Variants in MECOM observed in about 807,000 individuals in gnomAD.
MECOM encodes histone-lysine N-methyltransferase MECOM.
MECOM carries 13 observed loss-of-function variants against 116.3 expected under a neutral mutation model. The ratio of observed to expected loss-of-function variants is 0.11; its 90% CI spans 0.07 to 0.18. The LOEUF is 0.18. Among genes scored for constraint, MECOM ranks in the 10% least tolerant of loss-of-function variants. The pLI, the probability that MECOM is intolerant of heterozygous loss-of-function variation, is 1.00. For synonymous variants in MECOM, 528 were observed against 535.2 expected, an observed-to-expected ratio of 0.99 and a Z score of 0.19; for missense variants, 1,299 against 1,509.0, an observed-to-expected ratio of 0.86 and a Z score of 2.31.
At chr3:169,468,009 TCTC>T (rs1353067738) in intron 1 of MECOM, among the ~76,000 whole-genome samples, 2 of 152,088 alleles carry the variant, frequency 1.3e-5, no homozygotes, top group African/African-American at 4.8e-5. Flanking sequence ...CCAACTCCCT[TCTC>T]CTCTTTTTAT....
intron 2 of MECOM, among the ~76,000 whole-genome samples, chr3:169,328,094 T>C (rs985278619): frequency 1.2e-4 from 19 of 152,324 alleles, no homozygotes; most frequent in Non-Finnish European, 4.4e-5. Flanking sequence ...TTTCAGTGTC[T>C]ATGAGGAAGT....
intron 1 of MECOM, among the ~76,000 whole-genome samples, chr3:169,489,886 C>A (rs1037199533): frequency 7.9e-5 from 12 of 152,042 alleles, no homozygotes; most frequent in African/African-American, 2.9e-4. Flanking sequence ...ACGGGATATT[C>A]ATAGATTTGA....
intron 2 of MECOM, chr3:169,147,684 C>T: frequency 1.0e-6 from 1 of 985,230 alleles, no homozygotes; most frequent in Non-Finnish European, 1.2e-6. Flanking sequence ...GGGAAATAGC[C>T]TCCGTTTCGA....
chr3:169,559,820 A>G (rs1254099144), intron 1 of MECOM, among the ~76,000 whole-genome samples: 1 of 152,188 alleles, frequency 6.6e-6, no homozygotes, highest in East Asian at 1.9e-4. Flanking sequence ...TCTGGAAACC[A>G]CACCACCACT....
chr3:169,403,314 AACAG>A (rs747201101), intron 1 of MECOM, among the ~76,000 whole-genome samples: 1 of 152,244 alleles, frequency 6.6e-6, no homozygotes, highest in African/African-American at 2.4e-5. Context: ...GAAAAGGGAA[AACAG>A]ACAGAGGGTA....
Position 169,083,949 on chromosome 3 carries a change from A to C in MECOM, c.*960T>G, listed in dbSNP as rs564570155. ...AAGAAGGAAAACAAAACAAACAAAC[A>C]AAAAGGAATGTTAAGAAAAGCCAAA... is the stretch of plus-strand genomic sequence containing the variant. On this transcript the variant is annotated 3_prime_UTR_variant, in exon 17 of 17. Coordinates refer to ENST00000651503, the MANE Select transcript of MECOM (RefSeq NM_004991.4). 7 of 227,840 alleles carry C rather than the reference A, an allele frequency of 3.1e-5. No individual in the cohort carries two copies. In the South Asian group the frequency reaches 1.1e-3, roughly 36 times the overall value. The allele number at this position is 227,840 out of a possible 1,614,324, so 14.1% of individuals were successfully genotyped here.
intron 2 of MECOM, among the ~76,000 whole-genome samples, chr3:169,228,715 C>T (rs1041541347): frequency 6.6e-6 from 1 of 152,202 alleles, no homozygotes; most frequent in Non-Finnish European, 1.5e-5. Flanking sequence ...GGCTGAAATA[C>T]TGCATACTTG....
Position 169,083,659 on chromosome 3 carries a change from G to A in MECOM, c.*1250C>T, listed in dbSNP as rs1313577698. On this transcript the variant is annotated 3_prime_UTR_variant, in exon 17 of 17. Transcript: ENST00000651503. The stretch of plus-strand genomic sequence containing the variant: ...TACAAACAAAAAGAAAACAAATCTG[G>A]TTCCTCAATAAAGGGCAAAATAACT... The A allele has an allele frequency of 5.0e-6, 1 of 200,132 alleles. No individual in the cohort carries two copies. The highest frequency in any genetic ancestry group is 2.3e-5 in the African/African-American group (1 of 43,570). 12.4% of individuals were successfully genotyped at this position (200,132 alleles called of 1,614,324 possible).
chr3:169,627,868 G>C (rs934371679), intron 1 of MECOM, among the ~76,000 whole-genome samples: 3 of 152,208 alleles, frequency 2.0e-5, no homozygotes, highest in African/African-American at 7.2e-5. Context: ...TTAATTTACA[G>C]TTCTGTGAGC....
chr3:169,336,073 G>T lies in MECOM; in HGVS notation c.375+45114C>A, dbSNP rs567815419. 3.3e-5 allele frequency among the ~76,000 whole-genome samples: 5 copies of T among 152,110 alleles called. No homozygotes were observed. In the South Asian group the frequency reaches 1.0e-3, roughly 32 times the overall value. ...AAATGGCTTTCTGGATTCATCTTTG[G>T]TGTTACTGTTTCTAATATCATTTTA... On this transcript the variant is annotated intron_variant, in intron 2 of 16. Coordinates refer to ENST00000651503, the MANE Select transcript of MECOM (RefSeq NM_004991.4).
At chr3:169,343,460 T>C (rs2149794098) in intron 2 of MECOM, among the ~76,000 whole-genome samples, 1 of 152,256 alleles carries the variant, frequency 6.6e-6, no homozygotes, top group South Asian at 2.1e-4. Context: ...ACATTAACTC[T>C]GTACTCTGGC....
chr3:169,313,447 T>C (rs908638017), intron 2 of MECOM, among the ~76,000 whole-genome samples: 10 of 152,154 alleles, frequency 6.6e-5, no homozygotes, highest in African/African-American at 2.4e-4. Context: ...GAAAATCAGA[T>C]GATACTACAG....
intron 1 of MECOM, chr3:169,473,080 G>A: frequency 2.4e-6 from 1 of 409,910 alleles, no homozygotes; most frequent in Non-Finnish European, 3.3e-6. Context: ...TCCAAAAGGA[G>A]GTCCACCACA....
At chr3:169,418,119 AC>A (rs1429460217) in intron 1 of MECOM, among the ~76,000 whole-genome samples, 1 of 151,204 alleles carries the variant, frequency 6.6e-6, no homozygotes, top group South Asian at 2.1e-4. Context: ...ATAAAAAAAA[AC>A]TAAACAAAAA....
At chr3:169,491,298 G>A (rs1477458044) in intron 1 of MECOM, among the ~76,000 whole-genome samples, 1 of 152,080 alleles carries the variant, frequency 6.6e-6, no homozygotes, top group Non-Finnish European at 1.5e-5. Context: ...GATCCACCCA[G>A]GGCAAATGTC....
At chr3:169,494,713 A>T (rs1578260221) in intron 1 of MECOM, among the ~76,000 whole-genome samples, 1 of 152,134 alleles carries the variant, frequency 6.6e-6, no homozygotes, top group East Asian at 1.9e-4. Context: ...ACAGTGAGGG[A>T]CCCTGGAGCA....
At chr3:169,505,441 A>G (rs562195336) in intron 1 of MECOM, among the ~76,000 whole-genome samples, 13 of 152,138 alleles carry the variant, frequency 8.5e-5, no homozygotes, top group Non-Finnish European at 1.9e-4. Flanking sequence ...TAGAAACTGT[A>G]TATATTTGAG....
At chr3:169,569,495 A>G (rs185650412) in intron 1 of MECOM, among the ~76,000 whole-genome samples, 1 of 152,344 alleles carries the variant, frequency 6.6e-6, no homozygotes, top group African/African-American at 2.4e-5. Flanking sequence ...ATAGACATCT[A>G]CAGAACTCTC....
chr3:169,611,532 GT>G lies in MECOM; in HGVS notation c.37+51803del. Reference sequence around the variant, plus strand: ...GAGTGGAAGTGTTTCATAAGCTTCAGTTTTTAGTTGCACGTAGTAGCATACA... The same window carrying G: ...GAGTGGAAGTGTTTCATAAGCTTCAGTTTTAGTTGCACGTAGTAGCATACA... On this transcript the variant is annotated intron_variant, in intron 1 of 16. Coordinates refer to ENST00000651503, the MANE Select transcript of MECOM (RefSeq NM_004991.4). This position sits in a 1 kb window ranked among gnomAD's most constrained non-coding sequence, Gnocchi z 4.1. Among the ~76,000 whole-genome samples, 1 of 152,290 alleles carries G rather than the reference GT, an allele frequency of 6.6e-6. No homozygotes were observed.
Sources: gnomAD v4.1 joint callset for allele counts (sites outside exome capture counted in the v4.1 genomes callset) on GRCh38, gnomAD v4.1.1 for gene constraint, Gnocchi (gnomAD v3.1) non-coding constraint, MANE v1.5 for transcripts, NCBI Gene and HGNC (gene_info 2026-07-23, HGNC 2026-07-21) for gene names.